PRDM15: variants seen among roughly 807,000 people sequenced by gnomAD.
PRDM15 encodes the protein PR/SET domain 15.
In PRDM15, 64 loss-of-function variants were observed where a neutral mutation model predicts 128.6. The observed-to-expected ratio is 0.50, with a 90% CI of 0.41 to 0.61. The LOEUF is 0.61. Among genes scored for constraint, PRDM15 ranks in the 20% least tolerant of loss-of-function variants. PRDM15 has a pLI of 0.00. For synonymous variants in PRDM15, 615 were observed against 621.8 expected (o/e 0.99, Z 0.16); for missense variants, 1,242 against 1,569.1 (o/e 0.79, Z 3.52).
At chr21:41,835,913 A>G (rs117371411) in intron 10 of PRDM15, among the ~76,000 whole-genome samples, 200 bp downstream of exon 10, 68 of 35,602 alleles carry the variant, frequency 1.9e-3, no homozygotes, top group South Asian at 6.0e-3. Flanking sequence ...GCCCTCGCCC[A>G]CTCTCCTCCC....
chr21:41,862,441 C>A lies in PRDM15; in HGVS notation c.-9-2069G>T, dbSNP rs1187831937. 2.0e-5 allele frequency among the ~76,000 whole-genome samples: 3 copies of A among 152,150 alleles called. No homozygotes were observed. The highest frequency in any genetic ancestry group is 2.9e-5 in the Non-Finnish European group (2 of 68,026). ...CCTACACCTCTCACAGACTGCCCAC[C>A]CCTTCTAGGTGCCCCCAAAAAAGGT... On this transcript the variant is annotated intron_variant, in intron 1 of 23. Coordinates refer to ENST00000398548, the MANE Select transcript of PRDM15 (RefSeq NM_001040424.3). The surrounding 1 kb of genome is among the most constrained non-coding windows in gnomAD (Gnocchi z 4.1).
Position 41,798,647 on chromosome 21 carries a change from C to T in PRDM15, c.*2593G>A, listed in dbSNP as rs2236689. On this transcript the variant is annotated 3_prime_UTR_variant, in exon 24 of 24. Transcript: ENST00000398548. The stretch of plus-strand genomic sequence containing the variant: ...TCGAGTCCACAGCTGCACGGAGCCA[C>T]GGGTCCAAAACGAATTCTCCACTGA... The T allele has an allele frequency of 0.22, 33,945 of 152,112 alleles. 4,242 individuals carry two copies. Among genetic ancestry groups the T allele is most frequent in the East Asian group, 0.41 (2,111 of 5,168 alleles). 9.4% of individuals were successfully genotyped at this position (152,112 alleles called of 1,614,324 possible).
intron 1 of PRDM15, chr21:41,878,720 G>T (rs745927535): frequency 1.3e-6 from 2 of 1,574,084 alleles, no homozygotes; most frequent in Non-Finnish European, 1.7e-6. Context: ...CTAAACGCGG[G>T]GTTGGGGGTC....
At chr21:41,836,420 C>T (rs1568955963) in intron 9 of PRDM15, 48 bp downstream of exon 9, 3 of 1,571,972 alleles carry the variant, frequency 1.9e-6, no homozygotes, top group Non-Finnish European at 1.7e-6. Flanking sequence ...ACCCCCAGCC[C>T]CAGTCCTGGC....
chr21:41,854,954 A>T lies in PRDM15; in HGVS notation c.286-136T>A. ...GAGGCCATAAGGGCTCCTGTACGGG[A>T]TGTTGAGGTGTTTACAATAGTGAGG... On this transcript the variant is annotated intron_variant, in intron 4 of 23. Transcript: ENST00000398548. The surrounding 1 kb of genome is among the most constrained non-coding windows in gnomAD (Gnocchi z 4.6). 1.0e-6 allele frequency: 1 copy of T among 987,658 alleles called. No homozygotes were observed. Among genetic ancestry groups the T allele is most frequent in the Non-Finnish European group, 1.5e-6 (1 of 687,236 alleles). 61.2% of individuals were successfully genotyped at this position (987,658 alleles called of 1,614,324 possible).
At chr21:41,823,248 G>A (rs1353181111) in intron 14 of PRDM15, 70 bp downstream of exon 14, 2 of 1,569,674 alleles carry the variant, frequency 1.3e-6, no homozygotes, top group Non-Finnish European at 1.7e-6. Flanking sequence ...TGCTATGGCT[G>A]ACTGTGACAG....
At chr21:41,830,760 T>C (rs28972152) in intron 11 of PRDM15, among the ~76,000 whole-genome samples, 71,085 of 151,522 alleles carry the variant, frequency 0.47, 17,468 homozygotes, top group African/African-American at 0.62. Flanking sequence ...CAGAAACACC[T>C]ATATCCCTGC....
In PRDM15 at chr21:41,854,640, C is replaced by T. The variant is rs780324206; in HGVS notation, c.464G>A (p.Arg155His). Residue 155 changes from arginine to histidine, a missense_variant, in exon 5 of 24, where the codon CGC becomes CAC. By Grantham distance (29) the Arg-to-His change is conservative. Coordinates refer to ENST00000398548, the MANE Select transcript of PRDM15 (RefSeq NM_001040424.3). This position sits in a 1 kb window ranked among gnomAD's most constrained non-coding sequence, Gnocchi z 4.6. ...GGCATAGAAGGCCGCATACCACACGCGCAGCTCGGTACCCGGGGGGATGTC... is the reference window on the plus strand; with the variant it reads ...GGCATAGAAGGCCGCATACCACACGTGCAGCTCGGTACCCGGGGGGATGTC... ...SRDIPPGTELRVWYAAFYAKK... is the reference protein window; with the variant it reads ...SRDIPPGTELHVWYAAFYAKK... 4.3e-6 allele frequency: 7 copies of T among 1,613,664 alleles called. No homozygotes were observed. Among genetic ancestry groups the T allele is most frequent in the African/African-American group, 1.3e-5 (1 of 74,944 alleles).
intron 14 of PRDM15, among the ~76,000 whole-genome samples, chr21:41,822,746 G>C (rs994837388): frequency 1.3e-5 from 2 of 152,182 alleles, no homozygotes; most frequent in Admixed American, 6.5e-5. Context: ...TCAAGATTGG[G>C]ATTTGGGGTG....
At position 41,859,549 on chromosome 21, in the gene PRDM15, A is replaced by C; in HGVS notation, c.131+43T>G. The C allele has an allele frequency of 6.6e-7, 1 of 1,517,550 alleles. No homozygotes were observed. Among genetic ancestry groups the C allele is most frequent in the Non-Finnish European group, 9.1e-7 (1 of 1,096,554 alleles). The allele number at this position is 1,517,550 out of a possible 1,614,324, so 94.0% of individuals were successfully genotyped here. ...CCAAAGGCCACTAGGCTCCTGCCGC[A>C]GCTGGCATATGGAAGGCCCGGGAGC... On this transcript the variant is annotated intron_variant, in intron 3 of 23. Transcript: ENST00000398548. This position sits in a 1 kb window ranked among gnomAD's most constrained non-coding sequence, Gnocchi z 5.3.
intron 1 of PRDM15, chr21:41,878,658 G>C (rs768454065): frequency 7.1e-7 from 1 of 1,405,364 alleles, no homozygotes; most frequent in East Asian, 2.7e-5. Context: ...AAAGGCTTAC[G>C]AAAATAAGGC....
Position 41,802,695 on chromosome 21 carries a change from T to C in PRDM15, c.2943+17A>G, listed in dbSNP as rs1278311577. The C allele has an allele frequency of 2.5e-6, 4 of 1,611,426 alleles. No individual in the cohort carries two copies. The highest frequency in any genetic ancestry group is 1.3e-5 in the African/African-American group (1 of 74,988). ...AAGTGACCGGCACCTAATCAGAACA[T>C]AAAGCAGCAAACTGACCTGCTGAAT... On this transcript the variant is annotated intron_variant, in intron 23 of 23. Coordinates refer to ENST00000398548, the MANE Select transcript of PRDM15 (RefSeq NM_001040424.3).
chr21:41,833,929 A>G (rs2062780783), intron 11 of PRDM15, among the ~76,000 whole-genome samples: 1 of 152,184 alleles, frequency 6.6e-6, no homozygotes, highest in African/African-American at 2.4e-5. Flanking sequence ...CTCGCCTGCT[A>G]CACTCCTGCA....
At position 41,821,813 on chromosome 21, in the gene PRDM15, T is replaced by A; in HGVS notation, c.1896+90A>T. ...GAGGGAGGGCTGCTTCCGAGATGCA[T>A]GAAGGTGCCTGCTGTGTGGGGCCCA... On this transcript the variant is annotated intron_variant, in intron 15 of 23. Transcript: ENST00000398548. This position sits in a 1 kb window ranked among gnomAD's most constrained non-coding sequence, Gnocchi z 5.4. 23 of 1,514,266 alleles carry A rather than the reference T, an allele frequency of 1.5e-5. No homozygotes were observed. Among genetic ancestry groups the A allele is most frequent in the Non-Finnish European group, 2.0e-5 (22 of 1,103,318 alleles). The allele number at this position is 1,514,266 out of a possible 1,614,324, so 93.8% of individuals were successfully genotyped here. A position where few individuals can be genotyped will look rare whatever the true frequency, so the allele number is the denominator to read the frequency against.
intron 5 of PRDM15, among the ~76,000 whole-genome samples, chr21:41,850,259 A>G (rs572449366): frequency 4.2e-4 from 51 of 121,276 alleles, no homozygotes; most frequent in African/African-American, 1.3e-3. Flanking sequence ...GATGTCCCAT[A>G]ACAACGCCCT....
In PRDM15 at chr21:41,801,750, C is replaced by T. The variant is rs377424263; in HGVS notation, c.2944-28G>A. ...GGAAGATTCACACACAACAAAAATC[C>T]GTTCATTTTTGCAAAATGGGGAACG... On this transcript the variant is annotated intron_variant, in intron 23 of 23. Coordinates refer to ENST00000398548, the MANE Select transcript of PRDM15 (RefSeq NM_001040424.3). 247 of 1,591,838 alleles carry T rather than the reference C, an allele frequency of 1.6e-4. 1 individual carries two copies. The highest frequency in any genetic ancestry group is 3.4e-4 in the South Asian group (30 of 89,148).
At chr21:41,871,885 CCACCTGCGCA>C in intron 1 of PRDM15, 1 of 353,662 alleles carries the variant, frequency 2.8e-6, no homozygotes, top group Admixed American at 4.3e-5. Context: ...ATGCCGGCCT[CCACCTGCGCA>C]CACCTACGTG....
chr21:41,868,694 C>CTTG (rs2064103672), intron 1 of PRDM15, among the ~76,000 whole-genome samples: 1 of 125,200 alleles, frequency 8.0e-6, no homozygotes, highest in African/African-American at 3.0e-5. Context: ...TTTTCTTTTT[C>CTTG]TTTTTTTTTT....
intron 1 of PRDM15, among the ~76,000 whole-genome samples, chr21:41,865,533 G>A (rs999596907): frequency 1.3e-5 from 2 of 152,078 alleles, no homozygotes; most frequent in Non-Finnish European, 2.9e-5. Flanking sequence ...GTGGACGCGA[G>A]GTCCACCCCA....
Sources: allele counts gnomAD v4.1 joint callset (sites outside exome capture counted in the v4.1 genomes callset), GRCh38; gene constraint gnomAD v4.1.1; non-coding constraint Gnocchi (gnomAD v3.1); transcripts MANE v1.5; gene names NCBI Gene and HGNC (gene_info 2026-07-23, HGNC 2026-07-21).